The following MAP2K6 variants were observed in gnomAD, a reference collection of about 807,000 sequenced individuals.
MAP2K6 encodes the protein dual specificity mitogen-activated protein kinase kinase 6.
Under a neutral mutation model 53.7 loss-of-function variants are expected in MAP2K6, and 16 were observed. That is an observed-to-expected ratio of 0.30 (90% confidence interval 0.20 to 0.45). The LOEUF is 0.45. Ranked by LOEUF, MAP2K6 falls within the 20% of genes least tolerant of loss-of-function variation. The probability of loss-of-function intolerance (pLI) is 1.00; values close to 1 mark genes in which losing one functional copy is unlikely to be tolerated. For missense variants in MAP2K6, 204 were observed against 411.9 expected, an observed-to-expected ratio of 0.50 and a Z score of 4.37; for synonymous variants, 132 against 143.1, an observed-to-expected ratio of 0.92 and a Z score of 0.55.
chr17:69,502,281 G>C, intron 1 of MAP2K6: 1 of 985,402 alleles, frequency 1.0e-6, no homozygotes, highest in Non-Finnish European at 1.2e-6. Context: ...TCTCCTTGCC[G>C]AAGTGTGGTC....
At chr17:69,457,562 G>A (rs528177788) in intron 1 of MAP2K6, among the ~76,000 whole-genome samples, 1 of 152,176 alleles carries the variant, frequency 6.6e-6, no homozygotes, top group Non-Finnish European at 1.5e-5. Context: ...GCTTGCAGCT[G>A]GGTGCAGTGG....
At chr17:69,455,851 GTTTTT>G (rs11317793) in intron 1 of MAP2K6, among the ~76,000 whole-genome samples, 11 of 95,376 alleles carry the variant, frequency 1.2e-4, no homozygotes, top group African/African-American at 4.3e-4. Context: ...TGGACTTTCA[GTTTTT>G]TTTTTTTTTT....
chr17:69,520,624 TC>T (rs1910416159), intron 6 of MAP2K6: 4 of 486,444 alleles, frequency 8.2e-6, no homozygotes, highest in Non-Finnish European at 1.4e-5. Flanking sequence ...GCTGCATTCA[TC>T]AGCTATGACC....
At position 69,543,982 on chromosome 17, in the gene MAP2K6, A is replaced by G. The variant is rs1392810400; in HGVS notation, c.*2229A>G. On this transcript the variant is annotated 3_prime_UTR_variant, in exon 12 of 12. Coordinates refer to ENST00000590474, the MANE Select transcript of MAP2K6 (RefSeq NM_002758.4). ...TTCCAGCCACCAGAGATTTGGATTT[A>G]ACTGGTGGGGCCTAGGAATTGGTGT... is the stretch of plus-strand genomic sequence containing the variant. 1 of 152,202 alleles carries G rather than the reference A, an allele frequency of 6.6e-6. No individual in the cohort carries two copies. The highest frequency in any genetic ancestry group is 6.5e-5 in the Admixed American group (1 of 15,284). The allele number at this position is 152,202 out of a possible 1,614,324, so 9.4% of individuals were successfully genotyped here.
rs185560384 is a variant in MAP2K6, at chr17:69,493,997, G to A, written c.17-11783G>A. Reference sequence around the variant, plus strand: ...GCAATTTAGCATAAATTAAAAGTAAGTGAGGCCACCTGCAAAGTAGTCTTG... The same window carrying A: ...GCAATTTAGCATAAATTAAAAGTAAATGAGGCCACCTGCAAAGTAGTCTTG... On this transcript the variant is annotated intron_variant, in intron 1 of 11. Coordinates refer to ENST00000590474, the MANE Select transcript of MAP2K6 (RefSeq NM_002758.4). Among the ~76,000 whole-genome samples, 246 of 151,942 alleles carry A rather than the reference G, an allele frequency of 1.6e-3. 3 individuals are homozygous for A. In the Middle Eastern group the frequency reaches 0.041, roughly 25 times the overall value.
chr17:69,502,597 T>C (rs767400558), intron 1 of MAP2K6: 259 of 985,278 alleles, frequency 2.6e-4, no homozygotes, highest in Non-Finnish European at 3.0e-4. Flanking sequence ...GTTTAAGATA[T>C]GCAGATGTCC....
chr17:69,436,779 A>T (rs935206011), intron 1 of MAP2K6, among the ~76,000 whole-genome samples: 1 of 150,498 alleles, frequency 6.6e-6, no homozygotes, highest in Non-Finnish European at 1.5e-5. Flanking sequence ...TTTGCATATA[A>T]TTTTTTTCTC....
chr17:69,425,731 G>A (rs1906254393), intron 1 of MAP2K6, among the ~76,000 whole-genome samples: 1 of 152,208 alleles, frequency 6.6e-6, no homozygotes. Flanking sequence ...TGGTTGTTGA[G>A]TGACAAGTTA....
In MAP2K6 at chr17:69,544,856, C is replaced by G. The variant is rs1001227931; in HGVS notation, c.*3103C>G. 2.0e-5 allele frequency: 3 copies of G among 152,060 alleles called. No individual in the cohort carries two copies. Among genetic ancestry groups the G allele is most frequent in the African/African-American group, 7.2e-5 (3 of 41,404 alleles). 9.4% of individuals were successfully genotyped at this position (152,060 alleles called of 1,614,324 possible). ...TCATAATGCTATTAAATTATTTTTG[C>G]CACTCCTCTTTCAGAAAAGGCTTTA... On this transcript the variant is annotated 3_prime_UTR_variant, in exon 12 of 12. Coordinates refer to ENST00000590474, the MANE Select transcript of MAP2K6 (RefSeq NM_002758.4).
intron 1 of MAP2K6, among the ~76,000 whole-genome samples, chr17:69,437,396 GA>G (rs1317376796): frequency 1.3e-5 from 2 of 152,072 alleles, no homozygotes; most frequent in Non-Finnish European, 2.9e-5. Flanking sequence ...GGAGGAGGAG[GA>G]AGAAGAGGGG....
chr17:69,460,401 T>A (rs1907585899), intron 1 of MAP2K6, among the ~76,000 whole-genome samples: 1 of 152,060 alleles, frequency 6.6e-6, no homozygotes, highest in Non-Finnish European at 1.5e-5. Context: ...AGGTGTGAGG[T>A]TACCTGGTGC....
intron 1 of MAP2K6, among the ~76,000 whole-genome samples, chr17:69,420,933 C>T (rs1906058768): frequency 6.6e-6 from 1 of 152,166 alleles, no homozygotes; most frequent in Non-Finnish European, 1.5e-5. Flanking sequence ...TGCAAATGCT[C>T]TCATTTTGAT....
chr17:69,499,613 T>C (rs1909075286), intron 1 of MAP2K6, among the ~76,000 whole-genome samples: 1 of 152,194 alleles, frequency 6.6e-6, no homozygotes, highest in Non-Finnish European at 1.5e-5. Flanking sequence ...TTCAAAACAG[T>C]TGAGAAAAGA....
At chr17:69,507,580 A>G (rs1909575788) in intron 2 of MAP2K6, among the ~76,000 whole-genome samples, 1 of 151,640 alleles carries the variant, frequency 6.6e-6, no homozygotes. Flanking sequence ...AAAATCATGC[A>G]TCTCTTTTTG....
At position 69,547,699 on chromosome 17, in the gene MAP2K6, C is replaced by G. The variant is rs994627924; in HGVS notation, c.*5946C>G. The G allele has an allele frequency of 2.6e-5, 4 of 152,220 alleles. No homozygotes were observed. Among genetic ancestry groups the G allele is most frequent in the Non-Finnish European group, 5.9e-5 (4 of 68,036 alleles). 9.4% of individuals were successfully genotyped at this position (152,220 alleles called of 1,614,324 possible). ...TGTCCTCAGGTAAGTATGAATTGTT[C>G]TGGAAGCTGATAGAACAATTTTCTT... On this transcript the variant is annotated 3_prime_UTR_variant, in exon 12 of 12. Coordinates refer to ENST00000590474, the MANE Select transcript of MAP2K6 (RefSeq NM_002758.4).
intron 1 of MAP2K6, among the ~76,000 whole-genome samples, chr17:69,449,533 CTTT>C (rs1907107229): frequency 1.4e-5 from 1 of 69,918 alleles, no homozygotes; most frequent in African/African-American, 5.9e-5. Context: ...CTTTCTTTGT[CTTT>C]CTTTCTTTCT....
chr17:69,531,214 A>T (rs1911068866), intron 10 of MAP2K6, among the ~76,000 whole-genome samples: 1 of 152,218 alleles, frequency 6.6e-6, no homozygotes, highest in African/African-American at 2.4e-5. Flanking sequence ...AGATAGATAC[A>T]TCTATGTTTT....
chr17:69,463,612 C>A (rs1246251827), intron 1 of MAP2K6, among the ~76,000 whole-genome samples: 2 of 149,704 alleles, frequency 1.3e-5, no homozygotes, highest in African/African-American at 4.9e-5. Flanking sequence ...CCCTCTCTCT[C>A]TCTCTATATA....
At chr17:69,415,452 C>G (rs1905868542) in intron 1 of MAP2K6, among the ~76,000 whole-genome samples, 1 of 152,112 alleles carries the variant, frequency 6.6e-6, no homozygotes, top group Non-Finnish European at 1.5e-5. Flanking sequence ...ATCTTATATT[C>G]TTTGGGGGAA....
Sources: allele counts gnomAD v4.1 joint callset (sites outside exome capture counted in the v4.1 genomes callset), GRCh38; gene constraint gnomAD v4.1.1; transcripts MANE v1.5; gene names NCBI Gene and HGNC (gene_info 2026-07-23, HGNC 2026-07-21).